Variants in SPON1 observed in about 807,000 individuals in gnomAD.
SPON1 encodes spondin 1.
Under a neutral mutation model 111.7 loss-of-function variants are expected in SPON1, and 52 were observed. The ratio of observed to expected loss-of-function variants is 0.47; its 90% CI spans 0.37 to 0.59. The LOEUF (loss-of-function observed/expected upper bound fraction) is 0.59, where lower values mean the gene tolerates loss of function less well. Among genes scored for constraint, SPON1 ranks in the 20% least tolerant of loss-of-function variants. The pLI is 0.00. For missense variants in SPON1, 957 were observed against 1,068.5 expected (o/e 0.90, Z 1.46); for synonymous variants, 410 against 395.8 (o/e 1.04, Z -0.43).
intron 11 of SPON1, among the ~76,000 whole-genome samples, chr11:14,258,690 G>T (rs542697791): frequency 1.3e-5 from 2 of 152,324 alleles, no homozygotes; most frequent in African/African-American, 4.8e-5. Context: ...CTAGAGGGAG[G>T]CTCTTAAACA....
intron 5 of SPON1, among the ~76,000 whole-genome samples, chr11:14,116,804 ATTTGACAAC>A (rs1564908835): frequency 3.9e-5 from 6 of 152,106 alleles, no homozygotes; most frequent in Non-Finnish European, 8.8e-5. Flanking sequence ...ACGTGGGGAG[ATTTGACAAC>A]TTTACATTAT....
chr11:14,091,024 C>T (rs139501200), intron 5 of SPON1, among the ~76,000 whole-genome samples: 1 of 151,946 alleles, frequency 6.6e-6, no homozygotes, highest in Non-Finnish European at 1.5e-5. Flanking sequence ...CACAGCGTGT[C>T]GATTGGTGCA....
intron 6 of SPON1, among the ~76,000 whole-genome samples, chr11:14,197,675 G>A (rs1342463723): frequency 2.0e-5 from 3 of 150,512 alleles, no homozygotes; most frequent in African/African-American, 7.3e-5. Flanking sequence ...AATTAGCTGG[G>A]CATGGTGGCA....
chr11:13,981,685 A>T lies in SPON1; in HGVS notation c.239-1162A>T, dbSNP rs184174436. Among the ~76,000 whole-genome samples the T allele has an allele frequency of 2.6e-3, 393 of 152,352 alleles. 1 individual carries two copies. The highest frequency in any genetic ancestry group is 4.2e-3 in the Non-Finnish European group (286 of 68,032). On this transcript the variant is annotated intron_variant, in intron 1 of 15. Transcript: ENST00000576479. ...TAGATGTAGGAATGAAGAGTATAACAGACTTATAATTCCAGCTGCTGTAAC... is the reference window on the plus strand; with the variant it reads ...TAGATGTAGGAATGAAGAGTATAACTGACTTATAATTCCAGCTGCTGTAAC...
At chr11:14,094,126 C>T (rs558824034) in intron 5 of SPON1, among the ~76,000 whole-genome samples, 16 of 151,556 alleles carry the variant, frequency 1.1e-4, no homozygotes, top group African/African-American at 3.6e-4. Context: ...GCACGAGAAT[C>T]GCTTGAACCT....
Position 14,039,998 on chromosome 11 carries a change from G to T in SPON1, c.346-1523G>T, listed in dbSNP as rs575759658. 2.1e-4 allele frequency among the ~76,000 whole-genome samples: 32 copies of T among 151,670 alleles called. No individual in the cohort carries two copies. The South Asian group carries it at 6.4e-3, about 31-fold the overall frequency. ...CATTATAAGCATCAGATTGGAAACA[G>T]TTAGAAAATCCAGTAATAACAAGTA... On this transcript the variant is annotated intron_variant, in intron 2 of 15. Transcript: ENST00000576479.
chr11:14,115,133 C>T (rs1554925859), intron 5 of SPON1, among the ~76,000 whole-genome samples: 1 of 152,130 alleles, frequency 6.6e-6, no homozygotes, highest in African/African-American at 2.4e-5. Context: ...GATACCACCC[C>T]CATTATGGGA....
Position 14,093,507 on chromosome 11 carries a change from T to C in SPON1, c.676+13486T>C, listed in dbSNP as rs145694297. Among the ~76,000 whole-genome samples the C allele has an allele frequency of 6.6e-5, 10 of 152,342 alleles. No individual in the cohort carries two copies. The East Asian group carries it at 1.2e-3, about 18-fold the overall frequency. ...CGGTTTTAATGCTGTTTAACAGATATGCATTGATGAAAAGAACATTTTTTT... is the reference window on the plus strand; with the variant it reads ...CGGTTTTAATGCTGTTTAACAGATACGCATTGATGAAAAGAACATTTTTTT... On this transcript the variant is annotated intron_variant, in intron 5 of 15. Coordinates refer to ENST00000576479, the MANE Select transcript of SPON1 (RefSeq NM_006108.4).
At chr11:14,127,104 A>G (rs1478359907) in intron 5 of SPON1, among the ~76,000 whole-genome samples, 1 of 152,144 alleles carries the variant, frequency 6.6e-6, no homozygotes, top group African/African-American at 2.4e-5. Context: ...TTACTAGCTA[A>G]TATTTATTGA....
rs537151829 is a variant in SPON1 at position 14,196,502 on chromosome 11, A to T, written c.826-46830A>T. The stretch of plus-strand genomic sequence containing the variant: ...TATATCCCAATAAAGCTGCTATTTT[A>T]AAAAAAAATGTGCTCAGTAAACATT... On this transcript the variant is annotated intron_variant, in intron 6 of 15. Coordinates refer to ENST00000576479, the MANE Select transcript of SPON1 (RefSeq NM_006108.4). Among the ~76,000 whole-genome samples the T allele has an allele frequency of 3.8e-3, 564 of 147,256 alleles. 4 individuals carry two copies. Among genetic ancestry groups the T allele is most frequent in the African/African-American group, 0.013 (520 of 41,000 alleles).
chr11:14,251,773 C>T (rs1554940684), intron 7 of SPON1, among the ~76,000 whole-genome samples: 1 of 152,192 alleles, frequency 6.6e-6, no homozygotes, highest in South Asian at 2.1e-4. Context: ...AGACCAGAAC[C>T]CCGTCCTGTG....
chr11:14,257,037 C>G (rs1849116956), intron 10 of SPON1, among the ~76,000 whole-genome samples: 1 of 152,110 alleles, frequency 6.6e-6, no homozygotes. Context: ...ACTTTCCTAG[C>G]AAGCAAAGAA....
At chr11:14,227,692 C>A (rs782120197) in intron 6 of SPON1, among the ~76,000 whole-genome samples, 3 of 152,118 alleles carry the variant, frequency 2.0e-5, no homozygotes, top group Non-Finnish European at 2.9e-5. Flanking sequence ...CTCATTTGTA[C>A]CTTGGAACAG....
intron 6 of SPON1, among the ~76,000 whole-genome samples, chr11:14,188,803 C>T (rs532516888): frequency 2.6e-5 from 4 of 152,238 alleles, no homozygotes; most frequent in Non-Finnish European, 4.4e-5. Context: ...GGGTTAATGT[C>T]TGTCACACAG....
At chr11:13,993,380 C>T (rs1554911422) in intron 2 of SPON1, among the ~76,000 whole-genome samples, 5 of 151,854 alleles carry the variant, frequency 3.3e-5, no homozygotes, top group South Asian at 2.1e-4. Context: ...ATAGCTGATT[C>T]GGTGAAAGTG....
intron 6 of SPON1, among the ~76,000 whole-genome samples, chr11:14,173,347 G>A (rs998509548): frequency 9.2e-5 from 14 of 152,096 alleles, no homozygotes; most frequent in Non-Finnish European, 1.6e-4. Context: ...GCTCCATCAG[G>A]TCCTTTAAGG....
At chr11:14,138,251 G>C (rs77873248) in intron 6 of SPON1, among the ~76,000 whole-genome samples, 2,588 of 152,142 alleles carry the variant, frequency 0.017, 73 homozygotes, top group African/African-American at 0.059. Context: ...AGTTTCAAGG[G>C]CATGAAGAAT....
intron 6 of SPON1, among the ~76,000 whole-genome samples, chr11:14,229,841 C>A (rs139075805): frequency 6.6e-6 from 1 of 152,030 alleles, no homozygotes; most frequent in Admixed American, 6.6e-5. Flanking sequence ...CCGTGAGCCA[C>A]GAAAATAACT....
intron 5 of SPON1, among the ~76,000 whole-genome samples, chr11:14,090,199 G>GAAAAAA (rs3047374): frequency 8.8e-6 from 1 of 113,262 alleles, no homozygotes. Context: ...ACTAGGGTAT[G>GAAAAAA]AAAAAAAAAA....
Sources: gnomAD v4.1 joint callset for allele counts (sites outside exome capture counted in the v4.1 genomes callset) on GRCh38, gnomAD v4.1.1 for gene constraint, MANE v1.5 for transcripts, NCBI Gene and HGNC (gene_info 2026-07-23, HGNC 2026-07-21) for gene names.